Variants in RBM47 observed in about 807,000 individuals in gnomAD.
RBM47 encodes RNA-binding protein 47.
Under a neutral mutation model 47.1 loss-of-function variants are expected in RBM47, and 21 were observed. The ratio of observed to expected loss-of-function variants is 0.45; its 90% CI spans 0.32 to 0.64. The LOEUF is 0.64. RBM47 is among the 30% of genes least tolerant of loss of function. The pLI, the probability that RBM47 is intolerant of heterozygous loss-of-function variation, is 0.05. For synonymous variants in RBM47, 375 were observed against 361.7 expected, an observed-to-expected ratio of 1.04 and a Z score of -0.42; for missense variants, 708 against 870.9, an observed-to-expected ratio of 0.81 and a Z score of 2.35.
At chr4:40,495,138 T>C (rs1722401883) in intron 2 of RBM47, among the ~76,000 whole-genome samples, 2 of 152,228 alleles carry the variant, frequency 1.3e-5, no homozygotes, top group Middle Eastern at 6.8e-3. Context: ...TTTCTATTAC[T>C]TGCAGCCAAA....
At chr4:40,436,887 T>C (rs1245886717) in intron 4 of RBM47, 5 of 642,200 alleles carry the variant, frequency 7.8e-6, no homozygotes, top group Non-Finnish European at 1.4e-5. Context: ...GGATTGTATC[T>C]GCAATTTCAG....
chr4:40,608,325 T>C (rs1390487702), intron 1 of RBM47, among the ~76,000 whole-genome samples: 5 of 152,150 alleles, frequency 3.3e-5, no homozygotes, highest in Non-Finnish European at 7.3e-5. Context: ...AAGAGTGTCC[T>C]GTTCACCTAC....
At chr4:40,561,072 G>GT (rs1045847155) in intron 1 of RBM47, among the ~76,000 whole-genome samples, 2 of 151,960 alleles carry the variant, frequency 1.3e-5, no homozygotes, top group Non-Finnish European at 2.9e-5. Context: ...TATGTGTCTG[G>GT]TTTTTTACCT....
At chr4:40,512,805 G>T (rs1354894302) in intron 2 of RBM47, among the ~76,000 whole-genome samples, 1 of 151,826 alleles carries the variant, frequency 6.6e-6, no homozygotes, top group Admixed American at 6.6e-5. Flanking sequence ...TATTTCACTG[G>T]TCAGGGTTTC....
intron 1 of RBM47, among the ~76,000 whole-genome samples, chr4:40,583,751 G>C (rs886399432): frequency 2.8e-4 from 42 of 151,464 alleles, no homozygotes; most frequent in Non-Finnish European, 4.9e-4. Flanking sequence ...CCAGCTACTC[G>C]AGAGGCTGAG....
At chr4:40,590,434 A>G (rs75129066) in intron 1 of RBM47, among the ~76,000 whole-genome samples, 55 of 152,176 alleles carry the variant, frequency 3.6e-4, no homozygotes, top group Non-Finnish European at 6.8e-4. Context: ...TGGGCAAGAC[A>G]ACAGTGCACA....
intron 1 of RBM47, among the ~76,000 whole-genome samples, chr4:40,627,207 T>G (rs545987591): frequency 1.1e-3 from 173 of 152,342 alleles, no homozygotes; most frequent in African/African-American, 3.8e-3. Context: ...TGACAAGCAC[T>G]TAAAGCTGCA....
intron 1 of RBM47, among the ~76,000 whole-genome samples, chr4:40,574,895 G>T (rs147937208): frequency 1.3e-5 from 2 of 152,084 alleles, no homozygotes; most frequent in East Asian, 1.9e-4. Context: ...TGGAGGAAAA[G>T]AACAAAAAAT....
intron 2 of RBM47, among the ~76,000 whole-genome samples, chr4:40,529,516 A>AC: frequency 1.7e-5 from 1 of 59,836 alleles, no homozygotes; most frequent in Non-Finnish European, 3.1e-5. Context: ...ACTCTGTCAC[A>AC]AAAAAAAAAA....
Position 40,545,213 on chromosome 4 carries a change from A to G in RBM47, c.-239-707T>C, listed in dbSNP as rs571733700. On this transcript the variant is annotated intron_variant, in intron 1 of 6. Transcript: ENST00000295971. The stretch of plus-strand genomic sequence containing the variant: ...ATTACAGGCATGCCCCACCATGCCC[A>G]GCTAATGTTTTGTATTTTTAGTAGA... Among the ~76,000 whole-genome samples the G allele has an allele frequency of 6.8e-3, 1,023 of 151,212 alleles. 7 individuals carry two copies. Among genetic ancestry groups the G allele is most frequent in the African/African-American group, 0.024 (977 of 41,362 alleles).
chr4:40,522,534 C>A (rs1726297816), intron 2 of RBM47, among the ~76,000 whole-genome samples: 1 of 151,972 alleles, frequency 6.6e-6, no homozygotes, highest in South Asian at 2.1e-4. Context: ...AAAACAAAAA[C>A]TACCTCTTGT....
At chr4:40,433,231 G>A (rs1711627450) in intron 5 of RBM47, among the ~76,000 whole-genome samples, 1 of 152,150 alleles carries the variant, frequency 6.6e-6, no homozygotes, top group African/African-American at 2.4e-5. Flanking sequence ...AAAGTGCTGG[G>A]ATTACAGGTG....
In RBM47 at chr4:40,622,929, C is replaced by T. The variant is rs542096527; in HGVS notation, c.-240+6467G>A. 3.3e-5 allele frequency among the ~76,000 whole-genome samples: 5 copies of T among 152,102 alleles called. No homozygotes were observed. In the East Asian group the frequency reaches 5.8e-4, roughly 18 times the overall value. ...GATACTGGGTTAAGAAAGGAGTGTG[C>T]GGGGAGAGCGGTGAGGACAAAGGTG... On this transcript the variant is annotated intron_variant, in intron 1 of 6. Transcript: ENST00000295971.
At chr4:40,573,201 T>C (rs1339100419) in intron 1 of RBM47, among the ~76,000 whole-genome samples, 2 of 151,154 alleles carry the variant, frequency 1.3e-5, no homozygotes, top group Non-Finnish European at 3.0e-5. Flanking sequence ...TATCCCTAGT[T>C]GAGAACTGAA....
chr4:40,498,054 T>TATATATATATATATATATATA lies in RBM47; in HGVS notation c.-154-31356_-154-31355insTATATATATATATATATATAT, dbSNP rs1553890650. Among the ~76,000 whole-genome samples, 70 of 109,816 alleles carry TATATATATATATATATATATA rather than the reference T, an allele frequency of 6.4e-4. 1 individual carries two copies. Among genetic ancestry groups the TATATATATATATATATATATA allele is most frequent in the African/African-American group, 1.6e-3 (51 of 31,632 alleles). The allele number at this position is 109,816 out of a possible 152,430, so 72.0% of individuals were successfully genotyped here. On this transcript the variant is annotated intron_variant, in intron 2 of 6. Transcript: ENST00000295971. ...TGCAAATAAAATGTAAGTGCTTGTT[T>TATATATATATATATATATATA]TATATATATATATATATATATATAT...
intron 2 of RBM47, among the ~76,000 whole-genome samples, chr4:40,501,524 T>TA (rs772788126): frequency 6.6e-6 from 1 of 152,224 alleles, no homozygotes; most frequent in Non-Finnish European, 1.5e-5. Context: ...AAGCCACTGA[T>TA]ACGCATGTGC....
intron 1 of RBM47, among the ~76,000 whole-genome samples, chr4:40,619,321 G>A (rs1373408960): frequency 1.3e-5 from 2 of 152,112 alleles, no homozygotes; most frequent in African/African-American, 2.4e-5. Context: ...CCAGCTTCTT[G>A]GGAGGCTGAG....
chr4:40,586,628 A>C (rs1733614834), intron 1 of RBM47, among the ~76,000 whole-genome samples: 2 of 150,106 alleles, frequency 1.3e-5, no homozygotes, highest in Non-Finnish European at 3.0e-5. Flanking sequence ...CGCTCCGTCC[A>C]CTTTTCAAGT....
chr4:40,573,971 T>A (rs1340192985), intron 1 of RBM47, among the ~76,000 whole-genome samples: 2 of 152,366 alleles, frequency 1.3e-5, no homozygotes, highest in Non-Finnish European at 1.5e-5. Context: ...GTTTAAATTT[T>A]CATTTGTTAA....
Sources: gnomAD v4.1 joint callset for allele counts (sites outside exome capture counted in the v4.1 genomes callset) on GRCh38, gnomAD v4.1.1 for gene constraint, MANE v1.5 for transcripts, NCBI Gene and HGNC (gene_info 2026-07-23, HGNC 2026-07-21) for gene names.